Variants in PIBF1 observed in about 807,000 individuals in gnomAD.
PIBF1 encodes the protein progesterone-induced-blocking factor 1.
PIBF1 carries 90 observed loss-of-function variants against 112.5 expected under a neutral mutation model. That is an observed-to-expected ratio of 0.80 (90% CI 0.67 to 0.95). PIBF1 has a LOEUF of 0.95. PIBF1 is among the 40% of genes least tolerant of loss of function. The pLI is 0.00. For missense variants in PIBF1, 915 were observed against 852.3 expected, an observed-to-expected ratio of 1.07 and a Z score of -0.92; for synonymous variants, 301 against 288.6, an observed-to-expected ratio of 1.04 and a Z score of -0.44.
intron 15 of PIBF1, among the ~76,000 whole-genome samples, chr13:72,968,067 C>A (rs796552696): frequency 6.6e-6 from 1 of 151,578 alleles, no homozygotes; most frequent in African/African-American, 2.4e-5. Context: ...GCCTGTAGTC[C>A]CAGCTACTCG....
intron 13 of PIBF1, among the ~76,000 whole-genome samples, chr13:72,928,658 T>G (rs572648162): frequency 6.6e-6 from 1 of 152,352 alleles, no homozygotes; most frequent in South Asian, 2.1e-4. Flanking sequence ...CAGGCTGGTC[T>G]TGAACTCCTG....
At chr13:72,901,671 G>A (rs2040489859) in intron 11 of PIBF1, among the ~76,000 whole-genome samples, 1 of 151,402 alleles carries the variant, frequency 6.6e-6, no homozygotes, top group African/African-American at 2.4e-5. Context: ...GGTGACAAGA[G>A]CGAGACTCCT....
chr13:72,820,678 G>C (rs973108520), intron 5 of PIBF1, among the ~76,000 whole-genome samples: 5 of 152,144 alleles, frequency 3.3e-5, no homozygotes, highest in Non-Finnish European at 5.9e-5. Context: ...CAGTCACACA[G>C]AAATGATCCA....
chr13:72,888,739 T>A (rs2039948637), intron 10 of PIBF1, among the ~76,000 whole-genome samples: 1 of 151,606 alleles, frequency 6.6e-6, no homozygotes, highest in Admixed American at 6.6e-5. Context: ...AAAAAGGAAG[T>A]TACAGAGAAG....
chr13:72,961,019 A>T (rs1594275868), intron 14 of PIBF1, among the ~76,000 whole-genome samples: 1 of 149,792 alleles, frequency 6.7e-6, no homozygotes. Flanking sequence ...CTTTTCTTTC[A>T]CTATTCATTT....
At chr13:72,948,165 G>A (rs2042199850) in intron 14 of PIBF1, among the ~76,000 whole-genome samples, 1 of 151,964 alleles carries the variant, frequency 6.6e-6, no homozygotes, top group African/African-American at 2.4e-5. Flanking sequence ...CATGGCACAT[G>A]TATACCTGTG....
intron 10 of PIBF1, among the ~76,000 whole-genome samples, chr13:72,857,970 A>G (rs549944133): frequency 1.6e-4 from 24 of 152,218 alleles, no homozygotes; most frequent in Admixed American, 6.5e-4. Flanking sequence ...TTAAATTGGT[A>G]CAACTAATAT....
chr13:73,014,853 A>G (rs1355955640), intron 17 of PIBF1, among the ~76,000 whole-genome samples: 4 of 152,012 alleles, frequency 2.6e-5, no homozygotes, highest in African/African-American at 4.8e-5. Flanking sequence ...CAATACCACA[A>G]TCTCAGCTCA....
chr13:72,887,501 C>T (rs61967073), intron 10 of PIBF1, among the ~76,000 whole-genome samples: 8,532 of 151,914 alleles, frequency 0.056, 335 homozygotes, highest in Non-Finnish European at 0.086. Context: ...TAACCAAAGA[C>T]CTATACCATA....
At chr13:72,840,623 A>G (rs1337992653) in intron 9 of PIBF1, among the ~76,000 whole-genome samples, 1 of 150,932 alleles carries the variant, frequency 6.6e-6, no homozygotes, top group Non-Finnish European at 1.5e-5. Context: ...TCCCGAGTCC[A>G]AGCGATTCTC....
intron 15 of PIBF1, among the ~76,000 whole-genome samples, chr13:72,971,517 C>T (rs145888207): frequency 1.3e-5 from 2 of 152,176 alleles, no homozygotes; most frequent in East Asian, 3.9e-4. Context: ...ATCTCTGGCG[C>T]CTAACTCTAA....
At position 72,798,064 on chromosome 13, in the gene PIBF1, G is replaced by A. The variant is rs9543124; in HGVS notation, c.672+38G>A. The A allele has an allele frequency of 0.15, 238,975 of 1,553,792 alleles. 19,621 individuals carry two copies. Among genetic ancestry groups the A allele is most frequent in the Middle Eastern group, 0.17 (1,006 of 5,754 alleles). Reference sequence around the variant, plus strand: ...TTGATTGCTGGTGGGAAGAAGCTTCGGCTTTTTCTGTAGAGTCCCTCAGGA... The same window carrying A: ...TTGATTGCTGGTGGGAAGAAGCTTCAGCTTTTTCTGTAGAGTCCCTCAGGA... On this transcript the variant is annotated intron_variant, in intron 5 of 17. Coordinates refer to ENST00000326291, the MANE Select transcript of PIBF1 (RefSeq NM_006346.4).
chr13:72,975,286 C>T (rs1022412278), intron 16 of PIBF1, among the ~76,000 whole-genome samples: 5 of 152,052 alleles, frequency 3.3e-5, no homozygotes, highest in Non-Finnish European at 5.9e-5. Context: ...AAACTCCTGA[C>T]CTCAAGTGAT....
rs187406270 is a variant in PIBF1, at chr13:72,974,680, G to C, written c.2049+1005G>C. On this transcript the variant is annotated intron_variant, in intron 16 of 17. Transcript: ENST00000326291. ...TAAGCCATTATATGGATGTAACCCA[G>C]TTTGTTAATTCATTCACAGTTTATG... Among the ~76,000 whole-genome samples the C allele has an allele frequency of 8.1e-4, 124 of 152,214 alleles. 1 individual carries two copies. Among genetic ancestry groups the C allele is most frequent in the African/African-American group, 2.7e-3 (113 of 41,530 alleles).
intron 10 of PIBF1, among the ~76,000 whole-genome samples, chr13:72,861,727 G>A (rs957404128): frequency 2.0e-5 from 3 of 152,050 alleles, no homozygotes; most frequent in East Asian, 1.9e-4. Context: ...CACCACACCT[G>A]GCTAATTTTT....
At chr13:72,830,011 A>G (rs7333062) in intron 8 of PIBF1, among the ~76,000 whole-genome samples, 47,473 of 152,022 alleles carry the variant, frequency 0.31, 9,001 homozygotes, top group African/African-American at 0.54. Flanking sequence ...TGTAAGTTAT[A>G]TTCCTAGATA....
intron 9 of PIBF1, among the ~76,000 whole-genome samples, chr13:72,835,755 C>T (rs1436292219): frequency 2.0e-5 from 3 of 152,126 alleles, no homozygotes; most frequent in African/African-American, 7.2e-5. Context: ...TATACATATG[C>T]CTCATTTAGC....
At chr13:72,800,251 G>A (rs562162325) in intron 5 of PIBF1, among the ~76,000 whole-genome samples, 1 of 152,302 alleles carries the variant, frequency 6.6e-6, no homozygotes, top group African/African-American at 2.4e-5. Context: ...GGCCAGACTG[G>A]TCTGGAACTC....
At chr13:72,869,772 A>G (rs551342505) in intron 10 of PIBF1, among the ~76,000 whole-genome samples, 7 of 152,140 alleles carry the variant, frequency 4.6e-5, no homozygotes, top group South Asian at 2.1e-4. Context: ...ATACCAAGGC[A>G]TAGCTAAAGG....
Sources: allele counts gnomAD v4.1 joint callset (sites outside exome capture counted in the v4.1 genomes callset), GRCh38; gene constraint gnomAD v4.1.1; transcripts MANE v1.5; gene names NCBI Gene and HGNC (gene_info 2026-07-23, HGNC 2026-07-21).